MARCO: variants seen among roughly 807,000 people sequenced by gnomAD.
MARCO encodes macrophage receptor with collagenous structure.
Under a neutral mutation model 70.0 loss-of-function variants are expected in MARCO, and 72 were observed. The observed-to-expected ratio is 1.03, with a 90% CI of 0.85 to 1.25. The LOEUF (loss-of-function observed/expected upper bound fraction) is 1.25. Ranked by LOEUF, MARCO falls within the 50% of genes most tolerant of loss-of-function variation. The pLI is 0.00. For missense variants in MARCO, 696 were observed against 659.3 expected, an observed-to-expected ratio of 1.06 and a Z score of -0.61; for synonymous variants, 273 against 243.1, an observed-to-expected ratio of 1.12 and a Z score of -1.14.
intron 1 of MARCO, among the ~76,000 whole-genome samples, chr2:118,946,076 C>G (rs1229877605): frequency 1.3e-5 from 2 of 152,162 alleles, no homozygotes; most frequent in Non-Finnish European, 2.9e-5. Flanking sequence ...AGAGTTTAGT[C>G]TTAACTTTTT....
chr2:118,993,058 A>G (rs747499059), intron 15 of MARCO, 66 bp from the exon 16 acceptor site: 92 of 1,370,018 alleles, frequency 6.7e-5, no homozygotes, highest in Non-Finnish European at 9.1e-5. Context: ...GAAAAGAAAG[A>G]GCCCGCACTT....
At chr2:118,960,209 GA>G (rs1679916521) in intron 1 of MARCO, among the ~76,000 whole-genome samples, 1 of 151,932 alleles carries the variant, frequency 6.6e-6, no homozygotes, top group African/African-American at 2.4e-5. Flanking sequence ...CTACAAATAA[GA>G]ACATTTTAAT....
At chr2:118,970,462 G>C (rs1392789494) in intron 3 of MARCO, 124 bp downstream of exon 3, 5 of 710,920 alleles carry the variant, frequency 7.0e-6, no homozygotes, top group East Asian at 2.7e-5. Context: ...CAGGGACTTA[G>C]AGCAACCAGC....
chr2:118,994,369 TG>T lies in MARCO; in HGVS notation c.1430-17del. The T allele has an allele frequency of 9.9e-6, 16 of 1,614,006 alleles. No homozygotes were observed. The highest frequency in any genetic ancestry group is 1.4e-5 in the Non-Finnish European group (16 of 1,179,948). On this transcript the variant is annotated splice_polypyrimidine_tract_variant and intron_variant, in intron 16 of 16. Transcript: ENST00000327097. ...ATCCTACCCTTCTTCCTCTGTCTCT[TG>T]CTTTCTCTCTATCAAGGCACTGGGC...
intron 1 of MARCO, among the ~76,000 whole-genome samples, chr2:118,962,589 G>T (rs562640154): frequency 6.6e-6 from 1 of 151,852 alleles, no homozygotes; most frequent in Non-Finnish European, 1.5e-5. Context: ...CTTTTTACTG[G>T]ACTATCTTTG....
At position 118,950,823 on chromosome 2, in the gene MARCO, AG is replaced by A. The variant is rs1679709022; in HGVS notation, c.97+8427del. Among the ~76,000 whole-genome samples the A allele has an allele frequency of 5.9e-5, 9 of 152,128 alleles. 1 individual carries two copies. The East Asian group carries it at 1.6e-3, about 26-fold the overall frequency. Reference sequence around the variant, plus strand: ...CCCTTTTTTTTTCCTCAAAGATGATAGCCATTCTTTTCCAAAGTGAACTTCC... The same window carrying A: ...CCCTTTTTTTTTCCTCAAAGATGATACCATTCTTTTCCAAAGTGAACTTCC... On this transcript the variant is annotated intron_variant, in intron 1 of 16. Coordinates refer to ENST00000327097, the MANE Select transcript of MARCO (RefSeq NM_006770.4).
intron 12 of MARCO, among the ~76,000 whole-genome samples, chr2:118,985,306 C>G (rs1680463540): frequency 6.6e-6 from 1 of 152,064 alleles, no homozygotes; most frequent in Non-Finnish European, 1.5e-5. Context: ...TTCACCCTGT[C>G]CCCACCCCAG....
intron 1 of MARCO, among the ~76,000 whole-genome samples, chr2:118,963,225 T>C (rs1320047543): frequency 6.6e-6 from 1 of 151,760 alleles, no homozygotes; most frequent in East Asian, 1.9e-4. Context: ...GTGTAAGCAG[T>C]TCGTGCTATA....
chr2:118,957,537 A>G (rs1679861294), intron 1 of MARCO, among the ~76,000 whole-genome samples: 2 of 152,224 alleles, frequency 1.3e-5, no homozygotes, highest in East Asian at 3.9e-4. Flanking sequence ...CAAACAGTCC[A>G]GGACCAGACA....
At chr2:118,970,479 C>T (rs1240781190) in intron 3 of MARCO, 141 bp downstream of exon 3, 4 of 653,848 alleles carry the variant, frequency 6.1e-6, no homozygotes, top group Non-Finnish European at 8.0e-6. Flanking sequence ...CAGCTCAATG[C>T]CAAGTCTGAA....
intron 15 of MARCO, 140 bp from the exon 16 acceptor site, chr2:118,992,984 C>A: frequency 1.3e-6 from 1 of 785,244 alleles, no homozygotes; most frequent in Non-Finnish European, 2.0e-6. Flanking sequence ...AAAGTGGGAT[C>A]TTCCAGGCTC....
At chr2:118,989,198 G>A (rs1159607218) in intron 12 of MARCO, among the ~76,000 whole-genome samples, 1 of 152,176 alleles carries the variant, frequency 6.6e-6, no homozygotes, top group East Asian at 1.9e-4. Context: ...AGCTAAATGT[G>A]AGTTCTCCAG....
chr2:118,979,356 G>A (rs775186769), intron 8 of MARCO, among the ~76,000 whole-genome samples: 5 of 152,150 alleles, frequency 3.3e-5, no homozygotes, highest in East Asian at 1.9e-4. Flanking sequence ...GGGTTTTAGC[G>A]GGAAGCTGAC....
chr2:118,959,698 C>T (rs1274142992), intron 1 of MARCO, among the ~76,000 whole-genome samples: 1 of 152,286 alleles, frequency 6.6e-6, no homozygotes, highest in East Asian at 1.9e-4. Flanking sequence ...ATGTTTATAG[C>T]AGCACAATTC....
intron 12 of MARCO, among the ~76,000 whole-genome samples, chr2:118,990,285 AT>A (rs1234712891): frequency 6.6e-6 from 1 of 152,154 alleles, no homozygotes; most frequent in Non-Finnish European, 1.5e-5. Flanking sequence ...AGGGAATGGG[AT>A]TGGATTTAGA....
intron 1 of MARCO, among the ~76,000 whole-genome samples, chr2:118,967,389 G>A (rs1680072427): frequency 6.6e-6 from 1 of 152,186 alleles, no homozygotes; most frequent in Admixed American, 6.5e-5. Flanking sequence ...GGTGTGACAT[G>A]GAACTGCAGC....
At position 118,993,153 on chromosome 2, in the gene MARCO, G is replaced by A. The variant is rs760435953; in HGVS notation, c.1282G>A (p.Gly428Ser). ...AAACTCAGTGTCCGTCAGGATTGTCGGCAGTAGTAACCGAGGCCGGGCTGA... is the reference window on the plus strand; with the variant it reads ...AAACTCAGTGTCCGTCAGGATTGTCAGCAGTAGTAACCGAGGCCGGGCTGA... ...GENSVSVRIV[G>S]SSNRGRAEVY... The change falls in exon 16 of 17, where the codon GGC (glycine) becomes AGC (serine). Residue 428 changes from glycine (G) to serine (S), a missense_variant. By Grantham distance (56) the Gly-to-Ser change is moderately conservative (BLOSUM62 0). Around this residue, in one of 3 missense-constraint regions of MARCO, gnomAD observed 605 missense variants for 537.6 expected, o/e 1.13. Coordinates refer to ENST00000327097, the MANE Select transcript of MARCO (RefSeq NM_006770.4). The A allele has an allele frequency of 2.6e-5, 42 of 1,614,094 alleles. No individual in the cohort carries two copies. Among genetic ancestry groups the A allele is most frequent in the Non-Finnish European group, 3.3e-5 (39 of 1,180,048 alleles).
At position 118,982,248 on chromosome 2, in the gene MARCO, C is replaced by A. The variant is rs778790603; in HGVS notation, c.994C>A (p.Arg332=). The change falls in exon 11 of 17, where the codon CGA becomes AGA. Residue 332 remains arginine (R), a synonymous_variant. Transcript: ENST00000327097. ...GEPGSAGSPG[R]AGLPGSPGSP... Reference sequence around the variant, plus strand: ...GCCTGGCAGTGCTGGCTCCCCTGGGCGAGCAGGTGAGGTCCTGGGTCCTAT... The same window carrying A: ...GCCTGGCAGTGCTGGCTCCCCTGGGAGAGCAGGTGAGGTCCTGGGTCCTAT... 5 of 1,612,404 alleles carry A rather than the reference C, an allele frequency of 3.1e-6. No homozygotes were observed. The highest frequency in any genetic ancestry group is 1.3e-5 in the African/African-American group (1 of 74,792).
At chr2:118,945,982 G>A (rs1679590551) in intron 1 of MARCO, among the ~76,000 whole-genome samples, 1 of 152,164 alleles carries the variant, frequency 6.6e-6, no homozygotes. Flanking sequence ...CAACACGACT[G>A]CTATTATTTC....
Sources: allele counts gnomAD v4.1 joint callset (sites outside exome capture counted in the v4.1 genomes callset), GRCh38; gene constraint gnomAD v4.1.1; regional missense constraint gnomAD v4.1.1; transcripts MANE v1.5; gene names NCBI Gene and HGNC (gene_info 2026-07-23, HGNC 2026-07-21).